Variants in WWOX observed in about 807,000 individuals in gnomAD.
WWOX encodes WW domain containing oxidoreductase.
A neutral mutation model predicts 46.2 loss-of-function variants in WWOX; 69 were observed. The observed-to-expected ratio is 1.49, with a 90% CI of 1.23 to 1.82. WWOX has a LOEUF of 1.82. Ranked by LOEUF, WWOX falls within the 40% of genes most tolerant of loss-of-function variation. The pLI is 0.00. For synonymous variants in WWOX, 359 were observed against 202.6 expected, an observed-to-expected ratio of 1.77 and a Z score of -6.56; for missense variants, 919 against 542.6, an observed-to-expected ratio of 1.69 and a Z score of -6.89.
intron 5 of WWOX, among the ~76,000 whole-genome samples, chr16:78,335,861 G>A (rs2080877495): frequency 6.6e-6 from 1 of 152,142 alleles, no homozygotes; most frequent in South Asian, 2.1e-4. Flanking sequence ...TGAGGCCGAG[G>A]CGGGTGGATC....
chr16:78,540,003 C>A (rs924640421), intron 8 of WWOX, among the ~76,000 whole-genome samples: 1 of 114,744 alleles, frequency 8.7e-6, no homozygotes, highest in African/African-American at 2.9e-5. Flanking sequence ...CTCTTTCTCT[C>A]TCTCTCTCTC....
chr16:78,742,839 A>AT (rs2049262135), intron 8 of WWOX, among the ~76,000 whole-genome samples: 3 of 152,178 alleles, frequency 2.0e-5, no homozygotes, highest in African/African-American at 7.2e-5. Context: ...GTGAACAGCC[A>AT]TTGCGAGTCT....
intron 5 of WWOX, among the ~76,000 whole-genome samples, chr16:78,166,545 CT>C (rs2034980172): frequency 1.3e-5 from 2 of 150,886 alleles, no homozygotes; most frequent in Non-Finnish European, 3.0e-5. Context: ...TTTCTTTTTT[CT>C]TTTTTTTCTT....
intron 8 of WWOX, among the ~76,000 whole-genome samples, chr16:78,698,489 T>G (rs559129542): frequency 2.1e-4 from 32 of 152,376 alleles, no homozygotes; most frequent in African/African-American, 7.2e-4. Context: ...TTATTCTGTT[T>G]ACAAACCTGA....
chr16:79,172,531 T>A (rs2050720340), intron 8 of WWOX, among the ~76,000 whole-genome samples: 1 of 152,118 alleles, frequency 6.6e-6, no homozygotes. Context: ...CCTCACTGAG[T>A]GGCTGCATGA....
At chr16:79,013,822 G>A (rs544487543) in intron 8 of WWOX, among the ~76,000 whole-genome samples, 1 of 152,204 alleles carries the variant, frequency 6.6e-6, no homozygotes, top group Non-Finnish European at 1.5e-5. Flanking sequence ...GGGAAGGTTG[G>A]GGTCCTCTTT....
At chr16:78,677,422 A>G (rs1380569540) in intron 8 of WWOX, among the ~76,000 whole-genome samples, 1 of 152,198 alleles carries the variant, frequency 6.6e-6, no homozygotes, top group East Asian at 1.9e-4. Flanking sequence ...TGGCTTGCCA[A>G]CGTTTTCAAG....
At chr16:78,186,670 C>G (rs925877122) in intron 5 of WWOX, among the ~76,000 whole-genome samples, 1 of 152,170 alleles carries the variant, frequency 6.6e-6, no homozygotes, top group African/African-American at 2.4e-5. Flanking sequence ...GAGGCTGAGG[C>G]AGGAGAATTG....
intron 8 of WWOX, among the ~76,000 whole-genome samples, chr16:78,589,017 A>G (rs1006925922): frequency 1.3e-5 from 2 of 152,164 alleles, no homozygotes; most frequent in Non-Finnish European, 2.9e-5. Flanking sequence ...TAAATGAGAC[A>G]TCTCTTTCAT....
At chr16:78,416,201 ACTTTTC>A (rs1181792562) in intron 6 of WWOX, among the ~76,000 whole-genome samples, 1 of 152,158 alleles carries the variant, frequency 6.6e-6, no homozygotes, top group Non-Finnish European at 1.5e-5. Context: ...TATAGTTTGA[ACTTTTC>A]CTTTTCATAG....
intron 8 of WWOX, among the ~76,000 whole-genome samples, chr16:79,038,300 T>G (rs1038451808): frequency 1.3e-5 from 2 of 152,192 alleles, no homozygotes; most frequent in African/African-American, 2.4e-5. Context: ...AAAGGGCGTT[T>G]CAAAGTATAA....
chr16:78,713,179 G>C (rs1321224391), intron 8 of WWOX, among the ~76,000 whole-genome samples: 1 of 150,512 alleles, frequency 6.6e-6, no homozygotes, highest in Non-Finnish European at 1.5e-5. Context: ...GGTTGAGGCA[G>C]GAGGATTGCC....
intron 8 of WWOX, among the ~76,000 whole-genome samples, chr16:78,599,249 T>C (rs1460085767): frequency 2.0e-5 from 3 of 152,168 alleles, no homozygotes; most frequent in Admixed American, 2.0e-4. Context: ...AAGAGGAAAA[T>C]TCTCAGCTGG....
intron 8 of WWOX, among the ~76,000 whole-genome samples, chr16:78,906,652 C>T (rs1016965042): frequency 6.6e-6 from 1 of 152,220 alleles, no homozygotes; most frequent in Non-Finnish European, 1.5e-5. Flanking sequence ...ATAAAGGTTA[C>T]TGTTGGATGA....
intron 8 of WWOX, among the ~76,000 whole-genome samples, chr16:78,575,049 ATATATATATATATAT>A (rs2044834189): frequency 4.5e-4 from 5 of 11,088 alleles, no homozygotes; most frequent in Non-Finnish European, 7.4e-4. Flanking sequence ...ATATATATAT[ATATATATATATATAT>A]ATATATATAT....
At chr16:78,642,506 C>T (rs1247880738) in intron 8 of WWOX, among the ~76,000 whole-genome samples, 1 of 152,172 alleles carries the variant, frequency 6.6e-6, no homozygotes, top group Non-Finnish European at 1.5e-5. Flanking sequence ...AGATTCAATG[C>T]TGCCTAGGTC....
chr16:78,681,284 G>A (rs969090683), intron 8 of WWOX, among the ~76,000 whole-genome samples: 7 of 151,700 alleles, frequency 4.6e-5, no homozygotes, highest in Admixed American at 1.3e-4. Flanking sequence ...ATGTGCCTAT[G>A]GTCCCAGCTA....
chr16:78,536,468 G>C (rs910546439), intron 8 of WWOX, among the ~76,000 whole-genome samples: 5 of 151,998 alleles, frequency 3.3e-5, no homozygotes, highest in African/African-American at 1.2e-4. Context: ...ACTGAGCTGG[G>C]TTCTCTCTGC....
chr16:78,756,578 G>C (rs1160268128), intron 8 of WWOX, among the ~76,000 whole-genome samples: 1 of 152,202 alleles, frequency 6.6e-6, no homozygotes. Context: ...ATGCTTTATT[G>C]ATATTCCTAT....
Sources: gnomAD v4.1 joint callset for allele counts (sites outside exome capture counted in the v4.1 genomes callset) on GRCh38, gnomAD v4.1.1 for gene constraint, MANE v1.5 for transcripts, NCBI Gene and HGNC (gene_info 2026-07-23, HGNC 2026-07-21) for gene names.